NDUFAF6: variants seen among roughly 807,000 people sequenced by gnomAD.
The protein encoded by NDUFAF6 is NADH:ubiquinone oxidoreductase complex assembly factor 6, also known as NADH dehydrogenase (ubiquinone) complex I, assembly factor 6.
NDUFAF6 carries 45 observed loss-of-function variants against 40.8 expected under a neutral mutation model. That is an observed-to-expected ratio of 1.10 (90% CI 0.87 to 1.42). NDUFAF6 has a LOEUF of 1.42. Ranked by LOEUF, NDUFAF6 falls within the 40% of genes most tolerant of loss-of-function variation. The probability of loss-of-function intolerance (pLI) is 0.00; values close to 1 mark genes in which losing one functional copy is unlikely to be tolerated. For synonymous variants in NDUFAF6, 185 were observed against 155.9 expected, an observed-to-expected ratio of 1.19 and a Z score of -1.39; for missense variants, 435 against 418.5, an observed-to-expected ratio of 1.04 and a Z score of -0.34.
intron 2 of NDUFAF6, among the ~76,000 whole-genome samples, chr8:95,011,208 T>C (rs761692437): frequency 2.0e-5 from 3 of 152,176 alleles, no homozygotes; most frequent in African/African-American, 2.4e-5. Context: ...AGCCACACTT[T>C]TACTACATTT....
intron 1 of NDUFAF6, among the ~76,000 whole-genome samples, chr8:94,960,638 A>G (rs1823488182): frequency 6.6e-6 from 1 of 152,170 alleles, no homozygotes; most frequent in South Asian, 2.1e-4. Context: ...CTTCTTACCA[A>G]CCTTTCTGCT....
chr8:95,094,535 C>A (rs1279928281), intron 2 of NDUFAF6, among the ~76,000 whole-genome samples: 3 of 151,158 alleles, frequency 2.0e-5, no homozygotes, highest in Admixed American at 6.6e-5. Flanking sequence ...ACCTTAGCCT[C>A]CCAAGTAGCT....
intron 1 of NDUFAF6, chr8:94,927,217 T>C (rs1819972025): frequency 6.6e-6 from 1 of 152,596 alleles, no homozygotes; most frequent in Non-Finnish European, 1.5e-5. Flanking sequence ...ATGAGAATAA[T>C]GAAGATACTC....
chr8:95,017,833 T>G (rs760701191), intron 2 of NDUFAF6, among the ~76,000 whole-genome samples: 1 of 152,224 alleles, frequency 6.6e-6, no homozygotes, highest in Non-Finnish European at 1.5e-5. Context: ...AACAGACTTC[T>G]GCAATCATGT....
intron 9 of NDUFAF6, chr8:95,068,568 G>A (rs1433174457): frequency 6.6e-6 from 1 of 151,850 alleles, no homozygotes; most frequent in Non-Finnish European, 1.5e-5. Flanking sequence ...TTTGAATGTG[G>A]GCAGTCTGAT....
intron 2 of NDUFAF6, among the ~76,000 whole-genome samples, chr8:94,996,116 T>A (rs1192171374): frequency 6.6e-6 from 1 of 152,182 alleles, no homozygotes; most frequent in African/African-American, 2.4e-5. Flanking sequence ...GTCAAAATAG[T>A]GCATCACATT....
intron 2 of NDUFAF6, among the ~76,000 whole-genome samples, chr8:94,946,550 AGCTGGGTGT>A (rs767964896): frequency 6.6e-6 from 1 of 151,942 alleles, no homozygotes; most frequent in Non-Finnish European, 1.5e-5. Flanking sequence ...AAAATAAATT[AGCTGGGTGT>A]GGTGGTATGT....
chr8:94,915,264 T>C (rs1164783027), intron 1 of NDUFAF6, among the ~76,000 whole-genome samples: 13 of 152,200 alleles, frequency 8.5e-5, no homozygotes, highest in African/African-American at 3.1e-4. Flanking sequence ...TGTTCTCATC[T>C]TTCTGTCCAT....
chr8:94,926,556 C>G (rs1284284710), intron 1 of NDUFAF6: 1 of 152,126 alleles, frequency 6.6e-6, no homozygotes, highest in Non-Finnish European at 1.5e-5. Flanking sequence ...AGAGGTCCAC[C>G]TAGAAAACAA....
intron 1 of NDUFAF6, among the ~76,000 whole-genome samples, chr8:94,932,779 G>A (rs1820548891): frequency 6.6e-6 from 1 of 152,162 alleles, no homozygotes; most frequent in Non-Finnish European, 1.5e-5. Flanking sequence ...CTCCAGCCTG[G>A]GCGAAGGAGC....
At chr8:94,955,941 C>A (rs1437003444), upstream of NDUFAF6, among the ~76,000 whole-genome samples, 2 of 152,194 alleles carry the variant, frequency 1.3e-5, no homozygotes, top group African/African-American at 4.8e-5. Flanking sequence ...CAATAGAAAC[C>A]AATCAGTCCT....
chr8:95,035,670 A>G, intron 3 of NDUFAF6, 94 bp downstream of exon 3: 1 of 1,221,988 alleles, frequency 8.2e-7, no homozygotes, highest in Non-Finnish European at 1.2e-6. Flanking sequence ...ATTATAGTGG[A>G]ATCTATTCTG....
intron 1 of NDUFAF6, among the ~76,000 whole-genome samples, chr8:94,959,335 C>T (rs1563749219): frequency 6.6e-6 from 1 of 152,164 alleles, no homozygotes; most frequent in East Asian, 1.9e-4. Context: ...TCCTGGCTAC[C>T]TACATACTAG....
chr8:95,008,299 ACT>A (rs1439712620), intron 2 of NDUFAF6, among the ~76,000 whole-genome samples: 1 of 152,138 alleles, frequency 6.6e-6, no homozygotes, highest in African/African-American at 2.4e-5. Flanking sequence ...GTAAAGAAAA[ACT>A]CTGAATAATC....
intron 1 of NDUFAF6, chr8:94,930,865 A>G: frequency 9.6e-7 from 1 of 1,045,396 alleles, no homozygotes; most frequent in African/African-American, 1.6e-5. Flanking sequence ...TGGCTGACAG[A>G]CAAGTTTATT....
intron 2 of NDUFAF6, among the ~76,000 whole-genome samples, chr8:95,089,934 A>G (rs1809193919): frequency 1.3e-5 from 2 of 152,238 alleles, no homozygotes; most frequent in African/African-American, 4.8e-5. Flanking sequence ...TATGGGTTTT[A>G]CTGTACTTTC....
chr8:94,941,058 C>T (rs1484240868), intron 1 of NDUFAF6: 1 of 693,414 alleles, frequency 1.4e-6, no homozygotes, highest in African/African-American at 1.8e-5. Flanking sequence ...GGTGCTTATT[C>T]AACTTAGGTG....
intron 1 of NDUFAF6, among the ~76,000 whole-genome samples, chr8:94,922,874 G>A (rs2467674): frequency 0.76 from 115,389 of 152,134 alleles, 45,802 homozygotes; most frequent in East Asian, 0.89. Context: ...AGAAGGAATC[G>A]TATAGAGAAT....
chr8:95,007,944 G>C (rs1827073611), intron 2 of NDUFAF6, among the ~76,000 whole-genome samples: 1 of 151,936 alleles, frequency 6.6e-6, no homozygotes, highest in Non-Finnish European at 1.5e-5. Context: ...GGCTAGCTTT[G>C]AGCTCCTGAG....
Sources: gnomAD v4.1 joint callset for allele counts (sites outside exome capture counted in the v4.1 genomes callset) on GRCh38, gnomAD v4.1.1 for gene constraint, MANE v1.5 for transcripts, NCBI Gene and HGNC (gene_info 2026-07-23, HGNC 2026-07-21) for gene names.